THRB: variants seen among roughly 807,000 people sequenced by gnomAD.
The protein encoded by THRB is thyroid hormone receptor beta, also known as nuclear receptor subfamily 1 group A member 2.
Under a neutral mutation model 47.8 loss-of-function variants are expected in THRB, and 12 were observed. The ratio of observed to expected loss-of-function variants is 0.25; its 90% confidence interval spans 0.16 to 0.41. THRB has a LOEUF of 0.41. Ranked by LOEUF, THRB falls within the 10% of genes least tolerant of loss-of-function variation. THRB has a pLI of 1.00. For missense variants in THRB, 348 were observed against 589.2 expected, an observed-to-expected ratio of 0.59 and a Z score of 4.24; for synonymous variants, 218 against 212.2, an observed-to-expected ratio of 1.03 and a Z score of -0.24.
chr3:24,263,694 T>C (rs553895297), intron 3 of THRB, among the ~76,000 whole-genome samples: 87 of 151,940 alleles, frequency 5.7e-4, no homozygotes, highest in African/African-American at 2.0e-3. Context: ...TAAACATTTA[T>C]AGAATAGATA....
intron 5 of THRB, among the ~76,000 whole-genome samples, chr3:24,172,249 A>T (rs2040532733): frequency 1.3e-5 from 2 of 152,144 alleles, no homozygotes; most frequent in Admixed American, 1.3e-4. Context: ...ATTACACACC[A>T]AGAACAGAGA....
chr3:24,120,639 T>G lies in THRB; in HGVS notation c.*2245A>C, dbSNP rs1283689295. The G allele has an allele frequency of 2.6e-5, 4 of 152,176 alleles. No individual in the cohort carries two copies. The highest frequency in any genetic ancestry group is 5.9e-5 in the Non-Finnish European group (4 of 68,034). 9.4% of individuals were successfully genotyped at this position (152,176 alleles called of 1,614,324 possible). ...CCTGGAGCACAGAGGTGGCTAAGTG[T>G]TTGTCTTCCAAAGAGCGGTTGGTTC... On this transcript the variant is annotated 3_prime_UTR_variant, in exon 11 of 11. Transcript: ENST00000646209.
intron 3 of THRB, among the ~76,000 whole-genome samples, chr3:24,239,645 T>C (rs928455077): frequency 1.3e-5 from 2 of 152,040 alleles, no homozygotes; most frequent in African/African-American, 4.8e-5. Flanking sequence ...CTAGGATGGG[T>C]AGGTCTGGGT....
At chr3:24,321,115 A>G (rs1446043399) in intron 2 of THRB, among the ~76,000 whole-genome samples, 1 of 152,214 alleles carries the variant, frequency 6.6e-6, no homozygotes, top group East Asian at 1.9e-4. Context: ...TATTTATTCT[A>G]AAGTCCATGA....
At chr3:24,152,931 C>T (rs1463476552) in intron 5 of THRB, among the ~76,000 whole-genome samples, 3 of 149,272 alleles carry the variant, frequency 2.0e-5, no homozygotes, top group Non-Finnish European at 3.0e-5. Flanking sequence ...CACTGCACTC[C>T]AGCCTGGGCG....
chr3:24,470,806 G>A (rs1242711473), intron 1 of THRB, among the ~76,000 whole-genome samples: 1 of 152,020 alleles, frequency 6.6e-6, no homozygotes, highest in African/African-American at 2.4e-5. Flanking sequence ...TAGTAGAGAG[G>A]GGGTTTCACC....
chr3:24,319,663 C>T (rs2058350819), intron 2 of THRB, among the ~76,000 whole-genome samples: 1 of 152,112 alleles, frequency 6.6e-6, no homozygotes, highest in South Asian at 2.1e-4. Flanking sequence ...TATACAACTA[C>T]ATAAAAAAAT....
At chr3:24,474,446 C>T (rs111359099) in intron 1 of THRB, among the ~76,000 whole-genome samples, 21 of 152,274 alleles carry the variant, frequency 1.4e-4, no homozygotes, top group African/African-American at 3.9e-4. Context: ...TTACTGCTAA[C>T]CTCAGAGATC....
chr3:24,325,574 C>A (rs1247202382), intron 2 of THRB, among the ~76,000 whole-genome samples: 2 of 152,160 alleles, frequency 1.3e-5, no homozygotes, highest in Non-Finnish European at 2.9e-5. Context: ...GTAATCTCAG[C>A]TACTCAGGAG....
chr3:24,437,744 T>C (rs547637673), intron 1 of THRB, among the ~76,000 whole-genome samples: 1 of 152,120 alleles, frequency 6.6e-6, no homozygotes, highest in African/African-American at 2.4e-5. Flanking sequence ...TGTCTATGTA[T>C]GACAAGCCAG....
intron 2 of THRB, among the ~76,000 whole-genome samples, chr3:24,309,717 T>C (rs1423658215): frequency 6.6e-6 from 1 of 152,220 alleles, no homozygotes; most frequent in Admixed American, 6.5e-5. Context: ...ATTTTTGGAA[T>C]CTAATTTAAT....
intron 3 of THRB, among the ~76,000 whole-genome samples, chr3:24,253,941 C>A (rs1235371506): frequency 1.3e-5 from 2 of 150,994 alleles, no homozygotes; most frequent in Non-Finnish European, 2.9e-5. Flanking sequence ...AACCAGTTGT[C>A]CCTCAGAACC....
intron 1 of THRB, among the ~76,000 whole-genome samples, chr3:24,468,677 T>C (rs1246100489): frequency 1.3e-5 from 2 of 152,172 alleles, no homozygotes; most frequent in African/African-American, 2.4e-5. Flanking sequence ...TGTATGGGTG[T>C]CGTTTGTACT....
intron 3 of THRB, among the ~76,000 whole-genome samples, chr3:24,257,972 A>T (rs2051479432): frequency 6.6e-6 from 1 of 152,232 alleles, no homozygotes; most frequent in Non-Finnish European, 1.5e-5. Context: ...TGAGTGCATG[A>T]ACAATAAATG....
chr3:24,348,656 A>T (rs1176881632), intron 1 of THRB: 3 of 152,110 alleles, frequency 2.0e-5, no homozygotes, highest in Non-Finnish European at 4.4e-5. Context: ...TGCCTCTCAT[A>T]GTATTTCCAT....
chr3:24,160,825 G>T (rs2038700951), intron 5 of THRB, among the ~76,000 whole-genome samples: 1 of 152,210 alleles, frequency 6.6e-6, no homozygotes, highest in South Asian at 2.1e-4. Context: ...GTGAGGTGGT[G>T]GATATGAACT....
intron 3 of THRB, among the ~76,000 whole-genome samples, chr3:24,259,176 C>A (rs911483287): frequency 6.6e-6 from 1 of 152,138 alleles, no homozygotes; most frequent in African/African-American, 2.4e-5. Flanking sequence ...TGCTGCAAGG[C>A]AAGACTCTAC....
At chr3:24,308,790 A>G (rs1220715542) in intron 2 of THRB, among the ~76,000 whole-genome samples, 3 of 152,184 alleles carry the variant, frequency 2.0e-5, no homozygotes, top group African/African-American at 7.2e-5. Context: ...AATTATTTGA[A>G]TTGGAAATTT....
At chr3:24,149,932 A>G (rs2036658850) in intron 6 of THRB, among the ~76,000 whole-genome samples, 2 of 152,222 alleles carry the variant, frequency 1.3e-5, no homozygotes, top group African/African-American at 4.8e-5. Context: ...TTGCTTTTAT[A>G]AATCAATATC....
Sources: gnomAD v4.1 joint callset for allele counts (sites outside exome capture counted in the v4.1 genomes callset) on GRCh38, gnomAD v4.1.1 for gene constraint, MANE v1.5 for transcripts, NCBI Gene and HGNC (gene_info 2026-07-23, HGNC 2026-07-21) for gene names.